LURAP1L: variants seen among roughly 807,000 people sequenced by gnomAD.
The protein encoded by LURAP1L is leucine rich adaptor protein 1-like.
In LURAP1L, 12 loss-of-function variants were observed where a neutral mutation model predicts 13.8. That is an observed-to-expected ratio of 0.87 (90% confidence interval 0.56 to 1.41). LURAP1L has a LOEUF of 1.41. Ranked by LOEUF, LURAP1L falls within the 40% of genes most tolerant of loss-of-function variation. LURAP1L has a pLI of 0.00. For missense variants in LURAP1L, 375 were observed against 292.9 expected, an observed-to-expected ratio of 1.28 and a Z score of -2.04; for synonymous variants, 139 against 119.2, an observed-to-expected ratio of 1.17 and a Z score of -1.08.
chr9:12,783,871 A>C (rs987759138), intron 1 of LURAP1L, among the ~76,000 whole-genome samples: 2 of 94,954 alleles, frequency 2.1e-5, no homozygotes, highest in African/African-American at 7.9e-5. Context: ...ATTCTTTTTT[A>C]TTCTTTTATT....
chr9:12,777,235 T>C lies in LURAP1L; in HGVS notation c.312+1208T>C. ...AATTTAAGGACAACCCTTAGGTACA[T>C]AATGGAGAAGCTGGAAAGTGGAAGT... On this transcript the variant is annotated intron_variant, in intron 1 of 1. Coordinates refer to ENST00000319264, the MANE Select transcript of LURAP1L (RefSeq NM_203403.2). The C allele has an allele frequency of 3.0e-6, 3 of 985,270 alleles. No homozygotes were observed. The South Asian group carries it at 1.4e-4, about 46-fold the overall frequency. The allele number at this position is 985,270 out of a possible 1,614,324, so 61.0% of individuals were successfully genotyped here.
intron 1 of LURAP1L, among the ~76,000 whole-genome samples, chr9:12,795,279 G>T (rs1819497866): frequency 6.6e-6 from 1 of 151,872 alleles, no homozygotes; most frequent in Non-Finnish European, 1.5e-5. Flanking sequence ...ACTGATTATT[G>T]TATATATCTT....
intron 1 of LURAP1L, among the ~76,000 whole-genome samples, chr9:12,808,750 T>C (rs938327749): frequency 6.6e-6 from 1 of 152,206 alleles, no homozygotes; most frequent in Non-Finnish European, 1.5e-5. Context: ...ATCTGTAGCT[T>C]TGTGTCTGTC....
chr9:12,817,430 G>T (rs140322511), intron 1 of LURAP1L, among the ~76,000 whole-genome samples: 91 of 152,268 alleles, frequency 6.0e-4, no homozygotes, highest in African/African-American at 2.1e-3. Context: ...CATGCTCATG[G>T]GGGGAAGAGA....
chr9:12,820,514 C>A (rs13300537), intron 1 of LURAP1L, among the ~76,000 whole-genome samples: 4,481 of 41,584 alleles, frequency 0.11, 392 homozygotes, highest in African/African-American at 0.16. Context: ...CCCCCCCCCC[C>A]AAAAAAAAAA....
intron 1 of LURAP1L, among the ~76,000 whole-genome samples, chr9:12,805,507 C>G (rs1819643640): frequency 6.6e-6 from 1 of 152,216 alleles, no homozygotes; most frequent in Admixed American, 6.5e-5. Context: ...AAAAGACACA[C>G]AGTCTCAATG....
At chr9:12,788,025 T>C (rs1300078488) in intron 1 of LURAP1L, among the ~76,000 whole-genome samples, 1 of 151,574 alleles carries the variant, frequency 6.6e-6, no homozygotes, top group Admixed American at 6.6e-5. Context: ...AGCAGGAGAA[T>C]TGCATGAACC....
At chr9:12,816,333 T>A (rs762524242) in intron 1 of LURAP1L, among the ~76,000 whole-genome samples, 1 of 152,150 alleles carries the variant, frequency 6.6e-6, no homozygotes, top group African/African-American at 2.4e-5. Flanking sequence ...CTTCACTGAG[T>A]CCCATGGTTC....
chr9:12,778,783 G>T (rs146099861), intron 1 of LURAP1L, among the ~76,000 whole-genome samples: 3 of 152,322 alleles, frequency 2.0e-5, no homozygotes, highest in African/African-American at 7.2e-5. Flanking sequence ...GCATGCTGCT[G>T]ATTGAAGTAG....
intron 1 of LURAP1L, among the ~76,000 whole-genome samples, chr9:12,797,494 A>G (rs1380885506): frequency 6.6e-6 from 1 of 152,178 alleles, no homozygotes; most frequent in East Asian, 1.9e-4. Context: ...AACTTTGGGT[A>G]TAGGATAGGT....
At chr9:12,782,450 G>T (rs767858994) in intron 1 of LURAP1L, among the ~76,000 whole-genome samples, 3 of 152,128 alleles carry the variant, frequency 2.0e-5, no homozygotes, top group African/African-American at 7.2e-5. Context: ...TCATTCTTCT[G>T]CATATGGATA....
intron 1 of LURAP1L, among the ~76,000 whole-genome samples, chr9:12,785,223 G>A (rs890711230): frequency 2.0e-5 from 3 of 152,084 alleles, no homozygotes; most frequent in African/African-American, 7.2e-5. Flanking sequence ...TACTATGGCT[G>A]AGGTAGTATT....
intron 1 of LURAP1L, among the ~76,000 whole-genome samples, chr9:12,813,073 C>T (rs530700348): frequency 2.6e-5 from 4 of 152,174 alleles, no homozygotes; most frequent in Admixed American, 1.3e-4. Flanking sequence ...GGGTAAAATG[C>T]AAGTCTCTAA....
chr9:12,815,122 G>A (rs777313104), intron 1 of LURAP1L, among the ~76,000 whole-genome samples: 6 of 152,114 alleles, frequency 3.9e-5, no homozygotes, highest in Non-Finnish European at 7.4e-5. Flanking sequence ...AGAAAACAGA[G>A]GAGTGATTTA....
intron 1 of LURAP1L, among the ~76,000 whole-genome samples, chr9:12,792,028 A>G (rs1297842620): frequency 6.6e-6 from 1 of 152,110 alleles, no homozygotes; most frequent in East Asian, 1.9e-4. Context: ...GGGTCTGCCT[A>G]AAGCATAGGA....
intron 1 of LURAP1L, among the ~76,000 whole-genome samples, chr9:12,781,400 C>G (rs1819268429): frequency 6.6e-6 from 1 of 152,172 alleles, no homozygotes; most frequent in Non-Finnish European, 1.5e-5. Flanking sequence ...CCACTTCCCC[C>G]CAGCTCGCTA....
At chr9:12,802,996 A>G (rs1413676922) in intron 1 of LURAP1L, among the ~76,000 whole-genome samples, 1 of 152,158 alleles carries the variant, frequency 6.6e-6, no homozygotes, top group East Asian at 1.9e-4. Context: ...TTCTTTTCCT[A>G]AGAAAAATGA....
chr9:12,776,613 G>A (rs545849448), intron 1 of LURAP1L, among the ~76,000 whole-genome samples: 10 of 152,100 alleles, frequency 6.6e-5, no homozygotes, highest in Admixed American at 3.3e-4. Context: ...TCCACAGCTG[G>A]TTCTGAAAAC....
intron 1 of LURAP1L, among the ~76,000 whole-genome samples, chr9:12,785,010 A>G (rs897404424): frequency 6.6e-6 from 1 of 150,660 alleles, no homozygotes; most frequent in Admixed American, 6.6e-5. Context: ...CCCTAGGCCC[A>G]TGGCAAGTAC....
Sources: allele counts gnomAD v4.1 joint callset (sites outside exome capture counted in the v4.1 genomes callset), GRCh38; gene constraint gnomAD v4.1.1; transcripts MANE v1.5; gene names NCBI Gene and HGNC (gene_info 2026-07-23, HGNC 2026-07-21).